RBBP8: variants seen among roughly 807,000 people sequenced by gnomAD.
The protein encoded by RBBP8 is RB binding protein 8, endonuclease.
A neutral mutation model predicts 108.3 loss-of-function variants in RBBP8; 88 were observed. The observed-to-expected ratio is 0.81, with a 90% CI of 0.68 to 0.97. RBBP8 has a LOEUF of 0.97. RBBP8 is among the 50% of genes least tolerant of loss of function. The pLI is 0.00. For missense variants in RBBP8, 1,023 were observed against 1,049.0 expected (o/e 0.98, Z 0.34); for synonymous variants, 332 against 348.2 (o/e 0.95, Z 0.52).
chr18:22,942,766 TA>T (rs1911211425), intron 2 of RBBP8, among the ~76,000 whole-genome samples: 1 of 152,084 alleles, frequency 6.6e-6, no homozygotes, highest in African/African-American at 2.4e-5. Context: ...TTATTGCCTT[TA>T]AAAATCTTTT....
chr18:22,946,634 C>A, intron 3 of RBBP8, 148 bp downstream of exon 3: 1 of 1,156,326 alleles, frequency 8.6e-7, no homozygotes, highest in Non-Finnish European at 1.2e-6. Context: ...TTAGTATGGG[C>A]CTTGGTAGTC....
chr18:22,938,095 A>G (rs1910733711), intron 2 of RBBP8, among the ~76,000 whole-genome samples: 2 of 151,638 alleles, frequency 1.3e-5, no homozygotes, highest in African/African-American at 4.8e-5. Flanking sequence ...CCAAAGTGCT[A>G]GGATTACAGG....
At position 23,016,830 on chromosome 18, in the gene RBBP8, A is replaced by AGAC; in HGVS notation, c.2361_2363dup (p.Thr788dup). The stretch of plus-strand genomic sequence containing the variant: ...AATTTAATTCATTTTTCCCCCAGAG[A>AGAC]GACTAGCTTGCAAAATTTTCCTCAT... On this transcript the variant is annotated inframe_insertion, in exon 17 of 19. Coordinates refer to ENST00000327155, the MANE Select transcript of RBBP8 (RefSeq NM_002894.3). The AGAC allele has an allele frequency of 6.2e-7, 1 of 1,609,516 alleles. No individual in the cohort carries two copies.
intron 1 of RBBP8, among the ~76,000 whole-genome samples, chr18:22,935,689 T>G (rs76266367): frequency 0.013 from 2,029 of 152,352 alleles, 13 homozygotes; most frequent in Non-Finnish European, 0.023. Context: ...GTAGACTTGC[T>G]GATCACTATT....
At chr18:22,939,069 A>G (rs896743973) in intron 2 of RBBP8, among the ~76,000 whole-genome samples, 1 of 152,222 alleles carries the variant, frequency 6.6e-6, no homozygotes, top group African/African-American at 2.4e-5. Flanking sequence ...TATGTATGAG[A>G]AATGCTTCAT....
At chr18:23,023,306 T>G (rs1376347871) in intron 18 of RBBP8, among the ~76,000 whole-genome samples, 2 of 152,172 alleles carry the variant, frequency 1.3e-5, no homozygotes, top group East Asian at 3.8e-4. Context: ...TTTTAAAACC[T>G]CACTTACCCA....
chr18:22,949,858 C>T (rs1318350085), intron 4 of RBBP8, 145 bp downstream of exon 4: 1 of 629,644 alleles, frequency 1.6e-6, no homozygotes, highest in South Asian at 1.9e-5. Context: ...TTTATGAAAA[C>T]AAGGATCTAT....
chr18:23,001,493 C>T, intron 14 of RBBP8, 93 bp from the exon 15 acceptor site: 1 of 1,401,340 alleles, frequency 7.1e-7, no homozygotes, highest in Non-Finnish European at 1.0e-6. Flanking sequence ...GGACTGCATT[C>T]TGTTATTGTG....
At chr18:23,017,808 G>A (rs1374694686) in intron 17 of RBBP8, among the ~76,000 whole-genome samples, 40 of 137,702 alleles carry the variant, frequency 2.9e-4, no homozygotes, top group South Asian at 4.8e-4. Flanking sequence ...ATGTAGTGGC[G>A]TGATCTTGGC....
intron 3 of RBBP8, among the ~76,000 whole-genome samples, chr18:22,926,408 A>C (rs1350530601): frequency 1.3e-5 from 2 of 152,214 alleles, no homozygotes; most frequent in Non-Finnish European, 1.5e-5. Context: ...GGGGGATAAG[A>C]GCAAGACTCT....
chr18:22,928,900 C>T (rs909369776), upstream of RBBP8, among the ~76,000 whole-genome samples: 9 of 152,166 alleles, frequency 5.9e-5, no homozygotes, highest in African/African-American at 2.2e-4. Context: ...AAACTCCTGA[C>T]CTCAAGTGAT....
At chr18:22,936,178 T>A (rs115187653) in intron 1 of RBBP8, among the ~76,000 whole-genome samples, 5,863 of 152,242 alleles carry the variant, frequency 0.039, 189 homozygotes, top group African/African-American at 0.082. Context: ...CTCCGCTCAC[T>A]GCAAATTCCG....
chr18:22,953,337 C>T (rs1912203257), intron 4 of RBBP8, among the ~76,000 whole-genome samples: 1 of 152,196 alleles, frequency 6.6e-6, no homozygotes, highest in African/African-American at 2.4e-5. Context: ...TGGTAGGAGA[C>T]AGTAAGATGA....
chr18:23,026,077 T>G (rs1475139731), intron 18 of RBBP8, 66 bp from the exon 19 acceptor site: 3 of 1,226,484 alleles, frequency 2.4e-6, no homozygotes, highest in Non-Finnish European at 3.6e-6. Flanking sequence ...AAATGTTTAC[T>G]AGATATAAGC....
intron 4 of RBBP8, among the ~76,000 whole-genome samples, chr18:22,960,450 G>A (rs1567961532): frequency 6.6e-6 from 1 of 152,178 alleles, no homozygotes; most frequent in Non-Finnish European, 1.5e-5. Context: ...GGCTGCTGAG[G>A]TGGGAGGATC....
chr18:23,023,454 GTTAA>G (rs1353101869), intron 18 of RBBP8, among the ~76,000 whole-genome samples: 1 of 152,160 alleles, frequency 6.6e-6, no homozygotes, highest in Non-Finnish European at 1.5e-5. Flanking sequence ...CTTTTAGGCT[GTTAA>G]TAAAAGGTCA....
intron 15 of RBBP8, 90 bp downstream of exon 15, chr18:23,001,819 T>G (rs2045953870): frequency 6.8e-7 from 1 of 1,472,194 alleles, no homozygotes; most frequent in Non-Finnish European, 9.4e-7. Context: ...CTTGATGACA[T>G]ATCAACAATT....
At chr18:22,971,994 T>C (rs1054340320) in intron 5 of RBBP8, among the ~76,000 whole-genome samples, 2 of 151,940 alleles carry the variant, frequency 1.3e-5, no homozygotes, top group South Asian at 2.1e-4. Flanking sequence ...AATGTTTTAA[T>C]TGGGGAACAT....
intron 2 of RBBP8, among the ~76,000 whole-genome samples, chr18:22,916,059 TATATA>T (rs1909343074): frequency 6.6e-6 from 1 of 152,102 alleles, no homozygotes; most frequent in Non-Finnish European, 1.5e-5. Context: ...AAACTGAGGA[TATATA>T]AATTTGTCAA....
Sources: allele counts gnomAD v4.1 joint callset (sites outside exome capture counted in the v4.1 genomes callset), GRCh38; gene constraint gnomAD v4.1.1; transcripts MANE v1.5; gene names NCBI Gene and HGNC (gene_info 2026-07-23, HGNC 2026-07-21).